Variants in DNAH8 observed in about 807,000 individuals in gnomAD.
DNAH8 encodes the protein axonemal beta dynein heavy chain 8.
A neutral mutation model predicts 562.1 loss-of-function variants in DNAH8; 382 were observed. That is an observed-to-expected ratio of 0.68 (90% CI 0.63 to 0.74). The LOEUF (loss-of-function observed/expected upper bound fraction) is 0.74, where lower values mean the gene tolerates loss of function less well. Ranked by LOEUF, DNAH8 falls within the 30% of genes least tolerant of loss-of-function variation. DNAH8 has a pLI of 0.00. For synonymous variants in DNAH8, 1,881 were observed against 1,919.4 expected (o/e 0.98, Z 0.52); for missense variants, 5,203 against 5,620.4 (o/e 0.93, Z 2.37).
rs1450223841 is a variant in DNAH8 at position 38,763,688 on chromosome 6, T to TC, written c.1617+1888dup. On this transcript the variant is annotated intron_variant, in intron 11 of 92. Coordinates refer to ENST00000327475, the MANE Select transcript of DNAH8 (RefSeq NM_001206927.2). ...CAGGTGTGTTGGTGCGCACCTGTAGTCCCAGCAACTTGGGAGGCTGAGGTA... is the reference window on the plus strand; with the variant it reads ...CAGGTGTGTTGGTGCGCACCTGTAGTCCCCAGCAACTTGGGAGGCTGAGGTA... 3 of 163,256 alleles carry TC rather than the reference T, an allele frequency of 1.8e-5. No individual in the cohort carries two copies. The East Asian group carries it at 5.5e-4, about 30-fold the overall frequency. 10.1% of individuals were successfully genotyped at this position (163,256 alleles called of 1,614,324 possible).
chr6:38,823,467 T>G, intron 27 of DNAH8, 95 bp from the exon 28 acceptor site: 1 of 951,064 alleles, frequency 1.1e-6, no homozygotes, highest in Non-Finnish European at 1.6e-6. Context: ...CACACACAAG[T>G]GTAAATGTGT....
chr6:38,740,066 AT>A (rs1016728202), intron 7 of DNAH8, among the ~76,000 whole-genome samples: 4 of 152,032 alleles, frequency 2.6e-5, no homozygotes, highest in African/African-American at 9.7e-5. Flanking sequence ...TCACTGGTGT[AT>A]TTATTTATTT....
intron 65 of DNAH8, 93 bp downstream of exon 65, chr6:38,909,837 A>G: frequency 9.0e-6 from 9 of 999,002 alleles, no homozygotes; most frequent in Non-Finnish European, 1.4e-5. Flanking sequence ...GACTCTTTCT[A>G]TTCATTGAGC....
chr6:38,934,916 G>A (rs907354096), intron 76 of DNAH8, among the ~76,000 whole-genome samples: 24 of 152,330 alleles, frequency 1.6e-4, no homozygotes, highest in African/African-American at 4.6e-4. Flanking sequence ...GTGAATCTAA[G>A]TGAAGGCTAT....
intron 56 of DNAH8, among the ~76,000 whole-genome samples, chr6:38,885,725 G>A (rs1377547777): frequency 7.2e-5 from 11 of 152,092 alleles, no homozygotes; most frequent in Non-Finnish European, 8.8e-5. Context: ...CCTAGGTATC[G>A]AACTGGCTTA....
At chr6:38,924,230 C>T (rs577202833) in intron 73 of DNAH8, 68 bp downstream of exon 73, 247 of 1,519,100 alleles carry the variant, frequency 1.6e-4, no homozygotes, top group Non-Finnish European at 6.9e-5. Flanking sequence ...CTGAGAAACC[C>T]GGCTGGGTGT....
At chr6:38,950,043 AT>A (rs1420324534) in intron 81 of DNAH8, among the ~76,000 whole-genome samples, 1 of 152,218 alleles carries the variant, frequency 6.6e-6, no homozygotes, top group East Asian at 1.9e-4. Context: ...AAATATATAA[AT>A]GCTACTTTTG....
intron 21 of DNAH8, among the ~76,000 whole-genome samples, chr6:38,797,248 G>A (rs552270717): frequency 6.6e-6 from 1 of 152,040 alleles, no homozygotes; most frequent in African/African-American, 2.4e-5. Context: ...ATAAAAATTA[G>A]TCGGGGGGCG....
At chr6:38,756,697 T>A (rs1165209204) in intron 10 of DNAH8, among the ~76,000 whole-genome samples, 1 of 128,212 alleles carries the variant, frequency 7.8e-6, no homozygotes. Context: ...CAGGCCCCAG[T>A]GTGTGATGTT....
At chr6:38,983,539 A>G (rs753314978) in intron 86 of DNAH8, among the ~76,000 whole-genome samples, 2 of 152,222 alleles carry the variant, frequency 1.3e-5, no homozygotes, top group Admixed American at 1.3e-4. Flanking sequence ...TTGAAAGGCA[A>G]CCAAGCTGAA....
chr6:38,954,968 C>T (rs1237562417), intron 82 of DNAH8, among the ~76,000 whole-genome samples: 2 of 152,018 alleles, frequency 1.3e-5, no homozygotes, highest in Non-Finnish European at 2.9e-5. Flanking sequence ...AAAGAGAATA[C>T]ATTTTCCTTT....
In DNAH8 at chr6:38,832,322, G is replaced by C; in HGVS notation, c.4189G>C (p.Val1397Leu). The C allele has an allele frequency of 6.3e-7, 1 of 1,587,758 alleles. No individual in the cohort carries two copies. The highest frequency in any genetic ancestry group is 8.6e-7 in the Non-Finnish European group (1 of 1,158,866). ...GGTTGAATATTCTTTTTTATTGTAG[G>C]TTTCAGTACAAGAGGACCTAGTTCA... The part of the protein sequence containing the change: ...YSFNKLQSKA[V>L]SVQEDLVQVQ... Residue 1397 changes from valine (V) to leucine (L), a missense_variant and splice_region_variant, in exon 31 of 93, where the codon GTT becomes CTT. Transcript: ENST00000327475.
At chr6:38,883,203 C>A in intron 54 of DNAH8, 119 bp from the exon 55 acceptor site, 1 of 1,349,716 alleles carries the variant, frequency 7.4e-7, no homozygotes, top group East Asian at 2.4e-5. Flanking sequence ...AGATGCAATT[C>A]TAAAAAGTTA....
intron 85 of DNAH8, among the ~76,000 whole-genome samples, chr6:38,976,653 T>C (rs1454605712): frequency 1.3e-5 from 2 of 152,210 alleles, no homozygotes; most frequent in Non-Finnish European, 2.9e-5. Flanking sequence ...ACATGATTTG[T>C]ATGCACCTGA....
intron 82 of DNAH8, among the ~76,000 whole-genome samples, chr6:38,962,166 C>A (rs141531430): frequency 1.3e-3 from 198 of 152,020 alleles, no homozygotes; most frequent in African/African-American, 3.5e-3. Context: ...GAGAGGTAAG[C>A]CACATTCCCA....
Position 38,891,600 on chromosome 6 carries a change from T to C in DNAH8, c.8583+839T>C, listed in dbSNP as rs115999155. ...TCTTCCATGTGGCCACCTTCAGTGATGAGTGTGGGGCCCTGTTCCTTGCCA... is the reference window on the plus strand; with the variant it reads ...TCTTCCATGTGGCCACCTTCAGTGACGAGTGTGGGGCCCTGTTCCTTGCCA... On this transcript the variant is annotated intron_variant, in intron 58 of 92. Transcript: ENST00000327475. Among the ~76,000 whole-genome samples the C allele has an allele frequency of 5.5e-3, 833 of 152,334 alleles. 6 individuals are homozygous for C. The highest frequency in any genetic ancestry group is 0.019 in the African/African-American group (807 of 41,578).
In DNAH8 at chr6:38,913,351, A is replaced by G. The variant is rs555635325; in HGVS notation, c.9860-498A>G. Among the ~76,000 whole-genome samples, 7 of 152,326 alleles carry G rather than the reference A, an allele frequency of 4.6e-5. No individual in the cohort carries two copies. In the East Asian group the frequency reaches 1.3e-3, roughly 29 times the overall value. On this transcript the variant is annotated intron_variant, in intron 66 of 92. Transcript: ENST00000327475. ...CGTTGGAATGTGAGCAATTCAGTTA[A>G]CCAGTTCTTTTTCTCTACGGTGCTA...
intron 45 of DNAH8, 55 bp from the exon 46 acceptor site, chr6:38,866,536 T>A (rs931440321): frequency 7.3e-6 from 9 of 1,232,052 alleles, no homozygotes; most frequent in Non-Finnish European, 9.2e-6. Flanking sequence ...TATATTTGTA[T>A]TCAGAAATGA....
In DNAH8 at chr6:38,931,883, C is replaced by G. The variant is rs147729642; in HGVS notation, c.11347C>G (p.Pro3783Ala). ...KLYITTKLPNPAFTPEINAKT... is the reference protein window; with the variant it reads ...KLYITTKLPNAAFTPEINAKT... ...TTACATTACTACGAAGTTACCAAAT[C>G]CTGCCTTTACCCCAGAGATTAATGC... is the stretch of plus-strand genomic sequence containing the variant. Residue 3783 changes from proline to alanine, a missense_variant, in exon 76 of 93, where the codon CCT (proline) becomes GCT (alanine). By Grantham distance (27) the Pro-to-Ala change is conservative. Around this residue, in one of 6 missense-constraint regions of DNAH8, gnomAD observed 1,399 missense variants for 1,518.4 expected, o/e 0.92. Transcript: ENST00000327475. 1.2e-6 allele frequency: 2 copies of G among 1,611,142 alleles called. No homozygotes were observed. The highest frequency in any genetic ancestry group is 8.5e-7 in the Non-Finnish European group (1 of 1,178,694).
Sources: gnomAD v4.1 joint callset for allele counts (sites outside exome capture counted in the v4.1 genomes callset) on GRCh38, gnomAD v4.1.1 for gene constraint, gnomAD v4.1.1 regional missense constraint, MANE v1.5 for transcripts, NCBI Gene and HGNC (gene_info 2026-07-23, HGNC 2026-07-21) for gene names.